Variants in TMEM117 observed in about 807,000 individuals in gnomAD.
TMEM117 encodes the protein transmembrane protein 117.
TMEM117 carries 27 observed loss-of-function variants against 52.4 expected under a neutral mutation model. The ratio of observed to expected loss-of-function variants is 0.51; its 90% confidence interval spans 0.38 to 0.71. The LOEUF (loss-of-function observed/expected upper bound fraction) is 0.71. Ranked by LOEUF, TMEM117 falls within the 30% of genes least tolerant of loss-of-function variation. The pLI is 0.00. For missense variants in TMEM117, 556 were observed against 630.5 expected (o/e 0.88, Z 1.26); for synonymous variants, 215 against 206.3 (o/e 1.04, Z -0.36).
At chr12:44,387,839 A>T (rs1952110927) in intron 7 of TMEM117, among the ~76,000 whole-genome samples, 187 bp from the exon 8 acceptor site, 1 of 152,214 alleles carries the variant, frequency 6.6e-6, no homozygotes, top group African/African-American at 2.4e-5. Context: ...TATGCCCAGA[A>T]TCCATTTAGT....
intron 2 of TMEM117, among the ~76,000 whole-genome samples, chr12:43,866,357 G>A (rs1943598954): frequency 6.6e-6 from 1 of 150,734 alleles, no homozygotes; most frequent in Non-Finnish European, 1.5e-5. Flanking sequence ...AGGATTGCTT[G>A]AGCCAAGGAG....
intron 3 of TMEM117, among the ~76,000 whole-genome samples, chr12:44,134,261 T>C (rs2138177065): frequency 6.6e-6 from 1 of 152,324 alleles, no homozygotes; most frequent in Middle Eastern, 3.4e-3. Flanking sequence ...TTGCCCAGGC[T>C]TGAGTGCAGT....
At chr12:43,804,398 T>C in the TMEM117 span, 6 of 788,436 alleles carry the variant, frequency 7.6e-6, no homozygotes, top group Non-Finnish European at 1.1e-5. Context: ...TGCTTCATAT[T>C]AATTAATAGT....
intron 6 of TMEM117, among the ~76,000 whole-genome samples, chr12:44,330,923 G>A (rs958042616): frequency 6.6e-6 from 1 of 151,980 alleles, no homozygotes; most frequent in Non-Finnish European, 1.5e-5. Context: ...TAATGGCATT[G>A]TTTTATACTA....
intron 5 of TMEM117, among the ~76,000 whole-genome samples, chr12:44,278,053 C>A (rs1002402880): frequency 6.6e-6 from 1 of 151,976 alleles, no homozygotes; most frequent in African/African-American, 2.4e-5. Flanking sequence ...TGAGCCACTG[C>A]GCCTGGCCAA....
At chr12:44,276,855 TC>T (rs138601927) in intron 5 of TMEM117, among the ~76,000 whole-genome samples, 49 of 152,102 alleles carry the variant, frequency 3.2e-4, no homozygotes, top group African/African-American at 1.1e-3. Flanking sequence ...CTGTTTTTTT[TC>T]CTTTGAGAAG....
chr12:43,840,749 C>T (rs931088574), intron 1 of TMEM117, among the ~76,000 whole-genome samples: 5 of 152,096 alleles, frequency 3.3e-5, no homozygotes, highest in Admixed American at 6.5e-5. Context: ...CTATAGTGAG[C>T]CAGGAGCTAA....
intron 3 of TMEM117, among the ~76,000 whole-genome samples, chr12:44,054,046 A>C (rs11182405): frequency 0.16 from 24,396 of 152,138 alleles, 2,954 homozygotes; most frequent in African/African-American, 0.34. Context: ...GATCAAAGAA[A>C]TTGTTGAAAA....
chr12:44,056,469 AGT>A (rs933059729), intron 3 of TMEM117, among the ~76,000 whole-genome samples: 21 of 152,226 alleles, frequency 1.4e-4, no homozygotes, highest in African/African-American at 3.9e-4. Context: ...TTTTCTAGAG[AGT>A]GTTTTAAAGT....
intron 5 of TMEM117, among the ~76,000 whole-genome samples, chr12:44,242,445 G>T (rs118005192): frequency 1.3e-5 from 2 of 151,628 alleles, no homozygotes; most frequent in African/African-American, 4.8e-5. Context: ...CAGCTCCATC[G>T]TCATCCCTGC....
chr12:43,993,543 G>A (rs182929539), intron 3 of TMEM117, among the ~76,000 whole-genome samples: 1 of 152,190 alleles, frequency 6.6e-6, no homozygotes, highest in East Asian at 1.9e-4. Context: ...ATTGAGAGGA[G>A]AGACTTGGAG....
intron 5 of TMEM117, among the ~76,000 whole-genome samples, chr12:44,244,634 T>A (rs1950106421): frequency 6.6e-6 from 1 of 152,046 alleles, no homozygotes; most frequent in Admixed American, 6.6e-5. Flanking sequence ...AAATATATTC[T>A]TCCATTACAC....
chr12:44,225,637 CTTTACCACAGTATATT>C (rs143922840), intron 5 of TMEM117, among the ~76,000 whole-genome samples: 16,113 of 152,144 alleles, frequency 0.11, 937 homozygotes, highest in Middle Eastern at 0.2. Context: ...TAATCAGTGA[CTTTACCACAGTATATT>C]TTTTAATGTA....
intron 4 of TMEM117, among the ~76,000 whole-genome samples, chr12:44,167,461 G>A (rs1948983830): frequency 6.6e-6 from 1 of 152,088 alleles, no homozygotes. Flanking sequence ...GAGGCCAGGA[G>A]ATCGAGACCA....
At chr12:43,939,155 A>G (rs1246633841) in intron 2 of TMEM117, among the ~76,000 whole-genome samples, 2 of 152,194 alleles carry the variant, frequency 1.3e-5, no homozygotes, top group African/African-American at 4.8e-5. Flanking sequence ...AATGCCTGCT[A>G]TGCTGATTTT....
intron 3 of TMEM117, chr12:44,009,146 G>A (rs1394960095): frequency 6.5e-6 from 2 of 306,022 alleles, no homozygotes; most frequent in Admixed American, 5.2e-5. Flanking sequence ...TTACTTCCTT[G>A]GAAAAGCTCA....
At chr12:44,263,649 A>G (rs1851099) in intron 5 of TMEM117, 1 of 152,148 alleles carries the variant, frequency 6.6e-6, no homozygotes, top group Non-Finnish European at 1.5e-5. Context: ...AAAACGAAAT[A>G]ACTTCTTCAT....
chr12:44,057,232 C>G (rs929267810), intron 3 of TMEM117, among the ~76,000 whole-genome samples: 1 of 152,084 alleles, frequency 6.6e-6, no homozygotes, highest in Non-Finnish European at 1.5e-5. Flanking sequence ...ATGAATAAGT[C>G]ATTTATTCAG....
At chr12:44,162,975 C>T (rs1280763128) in intron 4 of TMEM117, among the ~76,000 whole-genome samples, 1 of 152,168 alleles carries the variant, frequency 6.6e-6, no homozygotes, top group African/African-American at 2.4e-5. Flanking sequence ...AAAATTCCTA[C>T]AACACTAACA....
Sources: gnomAD v4.1 joint callset for allele counts (sites outside exome capture counted in the v4.1 genomes callset) on GRCh38, gnomAD v4.1.1 for gene constraint, MANE v1.5 for transcripts, NCBI Gene and HGNC (gene_info 2026-07-23, HGNC 2026-07-21) for gene names.